The following PSME3 variants were observed in gnomAD, a reference collection of about 807,000 sequenced individuals.
PSME3 encodes proteasome activator complex subunit 3.
In PSME3, 7 loss-of-function variants were observed where a neutral mutation model predicts 38.3. The ratio of observed to expected loss-of-function variants is 0.18; its 90% CI spans 0.10 to 0.34. PSME3 has a LOEUF of 0.34. Among genes scored for constraint, PSME3 ranks in the 10% least tolerant of loss-of-function variants. The pLI, the probability that PSME3 is intolerant of heterozygous loss-of-function variation, is 1.00. For missense variants in PSME3, 192 were observed against 307.6 expected, an observed-to-expected ratio of 0.62 and a Z score of 2.81; for synonymous variants, 108 against 105.7, an observed-to-expected ratio of 1.02 and a Z score of -0.13.
intron 1 of PSME3, chr17:42,834,046 C>A (rs1378245206): frequency 4.5e-5 from 65 of 1,441,240 alleles, no homozygotes; most frequent in Non-Finnish European, 5.8e-5. Flanking sequence ...CGTTTGTGAG[C>A]TCACATCTTC....
At chr17:42,833,916 A>G in intron 1 of PSME3, 1 of 1,448,204 alleles carries the variant, frequency 6.9e-7, no homozygotes. Context: ...TGTTGGACTC[A>G]GGGCTTTAGG....
chr17:42,839,217 G>A (rs371079095), intron 9 of PSME3, 51 bp downstream of exon 9: 61 of 1,561,264 alleles, frequency 3.9e-5, no homozygotes, highest in African/African-American at 6.8e-5. Flanking sequence ...ATAGTGAAGA[G>A]TGACTGTTAC....
chr17:42,834,228 G>T (rs780524068), intron 1 of PSME3, 116 bp from the exon 2 acceptor site: 1 of 1,582,030 alleles, frequency 6.3e-7, no homozygotes, highest in East Asian at 2.3e-5. Context: ...CAGTCTGGGG[G>T]CCTCTCAGCT....
Position 42,834,568 on chromosome 17 carries a change from T to C in PSME3, c.129T>C (p.Ser43=). 6.2e-7 allele frequency: 1 copy of C among 1,613,948 alleles called. No individual in the cohort carries two copies. Among genetic ancestry groups the C allele is most frequent in the Non-Finnish European group, 8.5e-7 (1 of 1,179,908 alleles). The change falls in exon 3 of 11, where the codon AGT becomes AGC. Residue 43 remains serine, a synonymous_variant. Coordinates refer to ENST00000590720, the MANE Select transcript of PSME3 (RefSeq NM_005789.4). ...CAAAGAAGTTATTAGAACTTGATAGTTTTCTGAAGGTGAGAGACCCTATTC... is the reference window on the plus strand; with the variant it reads ...CAAAGAAGTTATTAGAACTTGATAGCTTTCTGAAGGTGAGAGACCCTATTC... ...FFPKKLLELD[S]FLKEPILNIH...
chr17:42,833,484 AGAGG>A lies in PSME3; in HGVS notation c.-140_-137del. On this transcript the variant is annotated 5_prime_UTR_variant, in exon 1 of 11. Coordinates refer to ENST00000590720, the MANE Select transcript of PSME3 (RefSeq NM_005789.4). Reference sequence around the variant, plus strand: ...CTGCCGGCGGGCGGGCGGACGGCACAGAGGGAGGGAGCGAGCGAGCAGTGAGTAA... The same window carrying A: ...CTGCCGGCGGGCGGGCGGACGGCACAGAGGGAGCGAGCGAGCAGTGAGTAA... 1 of 943,190 alleles carries A rather than the reference AGAGG, an allele frequency of 1.1e-6. No homozygotes were observed. The highest frequency in any genetic ancestry group is 1.6e-6 in the Non-Finnish European group (1 of 620,084). 58.4% of individuals were successfully genotyped at this position (943,190 alleles called of 1,614,324 possible).
rs1224869189 is a variant in PSME3 at position 42,843,205 on chromosome 17, A to C, written c.*1627A>C. 1 of 152,750 alleles carries C rather than the reference A, an allele frequency of 6.5e-6. No homozygotes were observed. The highest frequency in any genetic ancestry group is 1.5e-5 in the Non-Finnish European group (1 of 68,046). The allele number at this position is 152,750 out of a possible 1,614,324, so 9.5% of individuals were successfully genotyped here. ...GTAAAATTCTTTTACCATGTCAAGA[A>C]ATTATTAAAAATACAGGTACTTTGA... On this transcript the variant is annotated 3_prime_UTR_variant, in exon 11 of 11. Transcript: ENST00000590720.
chr17:42,838,353 G>GT, intron 6 of PSME3, 148 bp downstream of exon 6: 1 of 1,404,242 alleles, frequency 7.1e-7, no homozygotes, highest in South Asian at 1.5e-5. Context: ...CATCACCCAG[G>GT]TTGGAGTGCA....
chr17:42,833,700 C>T lies in PSME3; in HGVS notation c.42+27C>T, dbSNP rs115803730. ...TAGCGGCACCGGTCCGGCCTTTTTGCCCCTCGCTTTGATCCCCCAGCAGTC... is the reference window on the plus strand; with the variant it reads ...TAGCGGCACCGGTCCGGCCTTTTTGTCCCTCGCTTTGATCCCCCAGCAGTC... On this transcript the variant is annotated intron_variant, in intron 1 of 10. Transcript: ENST00000590720. The T allele has an allele frequency of 5.6e-3, 9,021 of 1,614,134 alleles. 392 individuals carry two copies. The African/African-American group carries it at 0.096, about 17-fold the overall frequency.
rs1368958081 is a variant in PSME3 at position 42,839,275 on chromosome 17, T to A, written c.598-19T>A. On this transcript the variant is annotated intron_variant, in intron 9 of 10. Coordinates refer to ENST00000590720, the MANE Select transcript of PSME3 (RefSeq NM_005789.4). ...AATTGGGCTTTGGGGACTAGCTTTT[T>A]CCTGTACCCTCCTTGCAGGAGGACT... 6.2e-7 allele frequency: 1 copy of A among 1,606,140 alleles called. No individual in the cohort carries two copies. Among genetic ancestry groups the A allele is most frequent in the East Asian group, 2.2e-5 (1 of 44,842 alleles).
chr17:42,836,009 T>TA (rs1202464807), intron 4 of PSME3, among the ~76,000 whole-genome samples: 2 of 151,208 alleles, frequency 1.3e-5, no homozygotes, highest in Non-Finnish European at 3.0e-5. Flanking sequence ...TCTTTTTTTT[T>TA]TTTTTTTTTT....
chr17:42,838,460 A>G (rs1347165888), intron 6 of PSME3, among the ~76,000 whole-genome samples: 1 of 152,114 alleles, frequency 6.6e-6, no homozygotes, highest in Non-Finnish European at 1.5e-5. Flanking sequence ...GGTACCTGCC[A>G]ACACACCCAG....
chr17:42,839,850 G>A (rs960613933), intron 10 of PSME3, among the ~76,000 whole-genome samples: 6 of 151,224 alleles, frequency 4.0e-5, no homozygotes, highest in African/African-American at 1.5e-4. Context: ...TACAAAATTA[G>A]CCGGGCCTGG....
intron 4 of PSME3, among the ~76,000 whole-genome samples, chr17:42,836,000 C>CTTT (rs1210980760): frequency 0.014 from 1,791 of 128,508 alleles, 21 homozygotes; most frequent in Non-Finnish European, 0.022. Flanking sequence ...CAGGAACTAT[C>CTTT]TTTTTTTTTT....
Position 42,838,809 on chromosome 17 carries a change from T to C in PSME3, c.474+10T>C, listed in dbSNP as rs764279154. 2 of 1,578,568 alleles carry C rather than the reference T, an allele frequency of 1.3e-6. No homozygotes were observed. Among genetic ancestry groups the C allele is most frequent in the Admixed American group, 3.3e-5 (2 of 59,980 alleles). On this transcript the variant is annotated intron_variant, in intron 7 of 10. Transcript: ENST00000590720. ...TGGGGTGTCCATTCAGGTAATGTAC[T>C]TGAATTACATACTGGGAAGAGTGGC...
At chr17:42,840,003 A>AAT (rs1304626265) in intron 10 of PSME3, among the ~76,000 whole-genome samples, 1 of 147,370 alleles carries the variant, frequency 6.8e-6, no homozygotes. Context: ...TCTCAAAAAA[A>AAT]AAATAAAAAT....
At position 42,837,981 on chromosome 17, in the gene PSME3, TGACAAAGGCA is replaced by T. The variant is rs1323963180; in HGVS notation, c.293-109_293-100del. 1.7e-5 allele frequency: 20 copies of T among 1,168,646 alleles called. No individual in the cohort carries two copies. In the East Asian group the frequency reaches 4.8e-4, roughly 28 times the overall value. 72.4% of individuals were successfully genotyped at this position (1,168,646 alleles called of 1,614,324 possible). On this transcript the variant is annotated intron_variant, in intron 5 of 10. Coordinates refer to ENST00000590720, the MANE Select transcript of PSME3 (RefSeq NM_005789.4). ...TAATAGTGGTGTCATGGTAGGATTG[TGACAAAGGCA>T]GAGGTCATAGCATCTGATAGGTATA...
Position 42,837,864 on chromosome 17 carries a change from C to T in PSME3, c.292+167C>T, listed in dbSNP as rs1597954187. ...CGTGCTTGTTATTGAGTGCTCTAAA[C>T]CTGGTTTTCCAATAAACAGAGGATT... On this transcript the variant is annotated intron_variant, in intron 5 of 10. Coordinates refer to ENST00000590720, the MANE Select transcript of PSME3 (RefSeq NM_005789.4). 3.3e-6 allele frequency: 3 copies of T among 906,000 alleles called. No individual in the cohort carries two copies. In the Admixed American group the frequency reaches 7.5e-5, roughly 23 times the overall value. 56.1% of individuals were successfully genotyped at this position (906,000 alleles called of 1,614,324 possible).
chr17:42,839,218 T>C, intron 9 of PSME3, 52 bp downstream of exon 9: 1 of 1,559,768 alleles, frequency 6.4e-7, no homozygotes, highest in Non-Finnish European at 8.8e-7. Flanking sequence ...TAGTGAAGAG[T>C]GACTGTTACT....
intron 1 of PSME3, chr17:42,833,926 G>A: frequency 1.4e-6 from 2 of 1,441,944 alleles, no homozygotes; most frequent in Non-Finnish European, 1.8e-6. Flanking sequence ...AGGGCTTTAG[G>A]CCCGTGACAG....
Sources: gnomAD v4.1 joint callset for allele counts (sites outside exome capture counted in the v4.1 genomes callset) on GRCh38, gnomAD v4.1.1 for gene constraint, MANE v1.5 for transcripts, NCBI Gene and HGNC (gene_info 2026-07-23, HGNC 2026-07-21) for gene names.